The following ANKS1B variants were observed in gnomAD, a reference collection of about 807,000 sequenced individuals.
ANKS1B encodes the protein ankyrin repeat and sterile alpha motif domain containing 1B, also known as ankyrin repeat and sterile alpha motif domain-containing protein 1B.
A neutral mutation model predicts 148.3 loss-of-function variants in ANKS1B; 36 were observed. The ratio of observed to expected loss-of-function variants is 0.24; its 90% CI spans 0.19 to 0.32. The LOEUF (loss-of-function observed/expected upper bound fraction) is 0.32, where lower values mean the gene tolerates loss of function less well. Among genes scored for constraint, ANKS1B ranks in the 10% least tolerant of loss-of-function variants. The pLI, the probability that ANKS1B is intolerant of heterozygous loss-of-function variation, is 1.00. For missense variants in ANKS1B, 1,157 were observed against 1,542.6 expected (o/e 0.75, Z 4.19); for synonymous variants, 542 against 560.8 (o/e 0.97, Z 0.47).
chr12:99,171,129 C>T (rs1362094744), intron 14 of ANKS1B, among the ~76,000 whole-genome samples: 2 of 152,302 alleles, frequency 1.3e-5, no homozygotes, highest in African/African-American at 2.4e-5. Context: ...GAATAGTATT[C>T]ATTTCTGTAG....
chr12:99,543,372 G>A (rs1402777602), intron 9 of ANKS1B, among the ~76,000 whole-genome samples: 1 of 152,114 alleles, frequency 6.6e-6, no homozygotes, highest in East Asian at 1.9e-4. Flanking sequence ...ATTGCTGGTG[G>A]TATTGTAAAA....
intron 1 of ANKS1B, among the ~76,000 whole-genome samples, chr12:99,900,578 T>G (rs1826433672): frequency 6.6e-6 from 1 of 151,776 alleles, no homozygotes; most frequent in Non-Finnish European, 1.5e-5. Context: ...TATTTAGCAT[T>G]TATTCAAAGA....
At chr12:99,395,969 C>T (rs1013968976) in intron 12 of ANKS1B, among the ~76,000 whole-genome samples, 4 of 152,204 alleles carry the variant, frequency 2.6e-5, no homozygotes, top group Admixed American at 1.3e-4. Flanking sequence ...TCAGCTATCT[C>T]GGCATAAGCT....
chr12:99,981,165 C>A (rs773047743), intron 1 of ANKS1B, among the ~76,000 whole-genome samples: 42 of 152,036 alleles, frequency 2.8e-4, no homozygotes, highest in South Asian at 2.1e-4. Context: ...CACCTATATG[C>A]TAAATGTTTT....
At chr12:99,173,710 T>C (rs2078051197) in intron 14 of ANKS1B, among the ~76,000 whole-genome samples, 2 of 152,180 alleles carry the variant, frequency 1.3e-5, no homozygotes, top group African/African-American at 4.8e-5. Flanking sequence ...TTCTGTTTTC[T>C]ATACAACTCA....
chr12:99,472,130 T>C (rs1567170370), intron 10 of ANKS1B, among the ~76,000 whole-genome samples: 1 of 152,128 alleles, frequency 6.6e-6, no homozygotes, highest in East Asian at 1.9e-4. Context: ...AAAGAAAATA[T>C]GGCATGAGCT....
intron 15 of ANKS1B, among the ~76,000 whole-genome samples, chr12:99,086,917 A>G (rs2052056999): frequency 6.6e-6 from 1 of 152,188 alleles, no homozygotes; most frequent in South Asian, 2.1e-4. Flanking sequence ...AGGAGAATGA[A>G]TTTGAAAGGG....
chr12:99,218,902 T>C (rs549043657), intron 14 of ANKS1B, among the ~76,000 whole-genome samples: 125 of 152,346 alleles, frequency 8.2e-4, no homozygotes, highest in African/African-American at 2.8e-3. Flanking sequence ...AAAGATTCTA[T>C]GAGTACCTGC....
intron 15 of ANKS1B, among the ~76,000 whole-genome samples, chr12:99,136,239 G>A (rs915738291): frequency 6.6e-6 from 1 of 152,056 alleles, no homozygotes. Flanking sequence ...TTCTTGATAC[G>A]GCTTCCCACA....
chr12:99,721,403 G>A (rs949281631), intron 8 of ANKS1B, among the ~76,000 whole-genome samples: 2 of 152,096 alleles, frequency 1.3e-5, no homozygotes, highest in Non-Finnish European at 1.5e-5. Context: ...GCCGGTTCCT[G>A]CCTTAACTGA....
At chr12:99,592,129 G>T (rs2097709105) in intron 9 of ANKS1B, among the ~76,000 whole-genome samples, 1 of 151,832 alleles carries the variant, frequency 6.6e-6, no homozygotes, top group Non-Finnish European at 1.5e-5. Flanking sequence ...CTAATATAAT[G>T]GTGACTTTAT....
chr12:98,949,198 CG>C (rs749304913), intron 17 of ANKS1B, among the ~76,000 whole-genome samples: 6 of 151,838 alleles, frequency 4.0e-5, no homozygotes, highest in Non-Finnish European at 7.4e-5. Context: ...GTGATCTGCC[CG>C]CCTTGGCCTC....
chr12:99,184,015 CAT>C (rs1227191591), intron 14 of ANKS1B, among the ~76,000 whole-genome samples: 12 of 152,102 alleles, frequency 7.9e-5, no homozygotes, highest in Admixed American at 7.9e-4. Flanking sequence ...ATAAAAAAGA[CAT>C]AGTCTTGAAG....
Position 99,217,571 on chromosome 12 carries a change from T to C in ANKS1B, c.2419+26771A>G, listed in dbSNP as rs73377346. ...TTTTCCTTTCCTTGCCTATGTGATC[T>C]TTTTTGTTCATCACATTCCACCAGC... On this transcript the variant is annotated intron_variant, in intron 14 of 26. Transcript: ENST00000683438. Among the ~76,000 whole-genome samples, 456 of 152,274 alleles carry C rather than the reference T, an allele frequency of 3.0e-3. 2 individuals are homozygous for C. Among genetic ancestry groups the C allele is most frequent in the African/African-American group, 0.011 (441 of 41,546 alleles).
At chr12:99,044,638 G>C (rs1598911366) in intron 17 of ANKS1B, among the ~76,000 whole-genome samples, 1 of 152,174 alleles carries the variant, frequency 6.6e-6, no homozygotes, top group Admixed American at 6.5e-5. Context: ...GGGAGAAGCA[G>C]ATGGCAACTA....
intron 14 of ANKS1B, among the ~76,000 whole-genome samples, chr12:99,214,969 C>T (rs542794814): frequency 3.3e-4 from 51 of 152,254 alleles, no homozygotes; most frequent in African/African-American, 1.2e-3. Context: ...TAGAGATCTA[C>T]GGAACTTTGA....
chr12:98,870,782 A>C (rs541750788), intron 17 of ANKS1B, among the ~76,000 whole-genome samples: 1 of 152,372 alleles, frequency 6.6e-6, no homozygotes, highest in South Asian at 2.1e-4. Flanking sequence ...TCCAGGAGGC[A>C]GGCCCAGGAC....
intron 1 of ANKS1B, among the ~76,000 whole-genome samples, chr12:99,965,500 T>C (rs2095474105): frequency 6.6e-6 from 1 of 152,106 alleles, no homozygotes; most frequent in African/African-American, 2.4e-5. Flanking sequence ...TATATAGAAG[T>C]TTGACAACCA....
At chr12:99,686,558 A>T (rs1298187755) in intron 8 of ANKS1B, among the ~76,000 whole-genome samples, 7 of 151,952 alleles carry the variant, frequency 4.6e-5, no homozygotes, top group African/African-American at 1.7e-4. Flanking sequence ...AAATTGTCTT[A>T]AGTTTTTCTT....
Sources: allele counts gnomAD v4.1 joint callset (sites outside exome capture counted in the v4.1 genomes callset), GRCh38; gene constraint gnomAD v4.1.1; transcripts MANE v1.5; gene names NCBI Gene and HGNC (gene_info 2026-07-23, HGNC 2026-07-21).